Variants in ZFYVE28 observed in about 807,000 individuals in gnomAD.
ZFYVE28 encodes the protein lateral signaling target protein 2 homolog.
Under a neutral mutation model 82.1 loss-of-function variants are expected in ZFYVE28, and 40 were observed. That is an observed-to-expected ratio of 0.49 (90% CI 0.38 to 0.63). ZFYVE28 has a LOEUF of 0.63. Among genes scored for constraint, ZFYVE28 ranks in the 30% least tolerant of loss-of-function variants. The pLI is 0.00. For synonymous variants in ZFYVE28, 612 were observed against 546.1 expected (o/e 1.12, Z -1.68); for missense variants, 1,321 against 1,242.1 (o/e 1.06, Z -0.96).
chr4:2,294,897 C>T (rs528072274), intron 8 of ZFYVE28, among the ~76,000 whole-genome samples: 67 of 152,166 alleles, frequency 4.4e-4, no homozygotes, highest in Middle Eastern at 3.4e-3. Context: ...AGGAGGATTG[C>T]TTGAGCCCAG....
At chr4:2,412,308 G>A (rs998939151) in intron 1 of ZFYVE28, among the ~76,000 whole-genome samples, 3 of 152,164 alleles carry the variant, frequency 2.0e-5, no homozygotes, top group East Asian at 1.9e-4. Context: ...GTAGCTAAAC[G>A]TTGGTTCTGT....
At chr4:2,293,961 CTAAA>C (rs900186779) in intron 8 of ZFYVE28, among the ~76,000 whole-genome samples, 24 of 151,792 alleles carry the variant, frequency 1.6e-4, no homozygotes, top group Admixed American at 6.6e-4. Context: ...AATTAAAGGC[CTAAA>C]TAAATAAAGA....
At chr4:2,396,137 G>GGGAAGCCGCAAGGAGCCCCGGGT in intron 1 of ZFYVE28, among the ~76,000 whole-genome samples, 1 of 72,464 alleles carries the variant, frequency 1.4e-5, no homozygotes, top group Non-Finnish European at 3.2e-5. Flanking sequence ...CGGGGTGTCT[G>GGGAAGCCGCAAGGAGCCCCGGGT]AGCTGATGGG....
chr4:2,375,150 G>A (rs942029593), intron 1 of ZFYVE28, among the ~76,000 whole-genome samples: 1 of 152,204 alleles, frequency 6.6e-6, no homozygotes, highest in African/African-American at 2.4e-5. Flanking sequence ...TTCCCTCCCT[G>A]CTGCTGTGGC....
Position 2,274,140 on chromosome 4 carries a change from G to A in ZFYVE28, c.2128C>T (p.Gln710Ter), listed in dbSNP as rs1374410879. The A allele has an allele frequency of 1.2e-6, 2 of 1,613,556 alleles. No homozygotes were observed. Among genetic ancestry groups the A allele is most frequent in the South Asian group, 1.1e-5 (1 of 91,076 alleles). Residue 710 changes from glutamine to a stop codon, truncating the protein, a stop_gained, in exon 9 of 13, where the codon CAG becomes TAG. Coordinates refer to ENST00000290974, the MANE Select transcript of ZFYVE28 (RefSeq NM_020972.3). LOFTEE classifies it high-confidence loss of function. ...AAPAATHAAP[Q>*]ATREKIRSRF... ...GACCGGATCTTCTCTCTTGTGGCCT[G>A]TGGGGCAGCATGCGTGGCTGCTGGG...
In ZFYVE28 at chr4:2,305,527, C is replaced by G; in HGVS notation, c.813G>C (p.Leu271=). ...HTLLRKIRDL[L]QTLTEEELHT... ...GCAGCTCCTCCTCCGTCAGCGTCTGCAGCAAATCCCTACGAATCAAGACAA... is the reference window on the plus strand; with the variant it reads ...GCAGCTCCTCCTCCGTCAGCGTCTGGAGCAAATCCCTACGAATCAAGACAA... Residue 271 remains leucine, a synonymous_variant, in exon 8 of 13, where the codon CTG becomes CTC. Transcript: ENST00000290974. 1 of 1,612,984 alleles carries G rather than the reference C, an allele frequency of 6.2e-7. No individual in the cohort carries two copies. Among genetic ancestry groups the G allele is most frequent in the Non-Finnish European group, 8.5e-7 (1 of 1,180,004 alleles).
rs762079596 is a variant in ZFYVE28, at chr4:2,280,797, T to C, written c.2052-6581A>G. Among the ~76,000 whole-genome samples the C allele has an allele frequency of 1.3e-3, 197 of 152,154 alleles. 6 individuals carry two copies. The highest frequency in any genetic ancestry group is 4.7e-4 in the Non-Finnish European group (32 of 68,026). ...GTTTCCCTGTGAAAGGAGAAGCCCA[T>C]GGGAAGTATTCAGCCCCGCAGCTCC... is the stretch of plus-strand genomic sequence containing the variant. On this transcript the variant is annotated intron_variant, in intron 8 of 12. Coordinates refer to ENST00000290974, the MANE Select transcript of ZFYVE28 (RefSeq NM_020972.3).
rs1716207332 is a variant in ZFYVE28, at chr4:2,304,528, G to A, written c.1812C>T (p.Asp604=). The A allele has an allele frequency of 1.9e-6, 3 of 1,612,738 alleles. No individual in the cohort carries two copies. ...CCTCCTCCTGTCTCTCAGGGGCCCTGTCGCTGGCCTTGGCTAAGCCGGCAG... is the reference window on the plus strand; with the variant it reads ...CCTCCTCCTGTCTCTCAGGGGCCCTATCGCTGGCCTTGGCTAAGCCGGCAG... The part of the protein sequence containing the change: ...SYAAGLAKAS[D]RAPERQEEAP... The change falls in exon 8 of 13, where the codon GAC becomes GAT. Residue 604 remains aspartate (D), a synonymous_variant. Coordinates refer to ENST00000290974, the MANE Select transcript of ZFYVE28 (RefSeq NM_020972.3).
At chr4:2,308,829 CAT>C (rs1375397423) in intron 7 of ZFYVE28, among the ~76,000 whole-genome samples, 12 of 152,144 alleles carry the variant, frequency 7.9e-5, no homozygotes, top group African/African-American at 2.9e-4. Context: ...GCATTGAACT[CAT>C]AGATTAATTT....
chr4:2,402,248 G>GTGGGCGGGGCCCC, intron 1 of ZFYVE28, among the ~76,000 whole-genome samples: 1 of 152,292 alleles, frequency 6.6e-6, no homozygotes, highest in East Asian at 1.9e-4. Context: ...GCCCTGCTGG[G>GTGGGCGGGGCCCC]TGGGCGGGGC....
At position 2,332,363 on chromosome 4, in the gene ZFYVE28, CCT is replaced by C. The variant is rs1162091807; in HGVS notation, c.701+3340_701+3341del. Reference sequence around the variant, plus strand: ...TCCTTGCTCGAGCCCTGGACTTGCCCCTGAGCATACACCACCTGCACCAACGT... The same window carrying C: ...TCCTTGCTCGAGCCCTGGACTTGCCCGAGCATACACCACCTGCACCAACGT... On this transcript the variant is annotated intron_variant, in intron 6 of 12. Coordinates refer to ENST00000290974, the MANE Select transcript of ZFYVE28 (RefSeq NM_020972.3). The surrounding 1 kb of genome is among the most constrained non-coding windows in gnomAD (Gnocchi z 4.7). 2.6e-5 allele frequency among the ~76,000 whole-genome samples: 4 copies of C among 152,146 alleles called. No individual in the cohort carries two copies. The highest frequency in any genetic ancestry group is 4.4e-5 in the Non-Finnish European group (3 of 67,998).
At chr4:2,410,454 C>CTT (rs11358765) in intron 1 of ZFYVE28, among the ~76,000 whole-genome samples, 4 of 119,336 alleles carry the variant, frequency 3.4e-5, no homozygotes, top group South Asian at 5.6e-4. Flanking sequence ...TCCTCCCTTT[C>CTT]TTTTTTTTTT....
chr4:2,283,394 C>T (rs1712235159), intron 8 of ZFYVE28, among the ~76,000 whole-genome samples: 1 of 136,984 alleles, frequency 7.3e-6, no homozygotes, highest in South Asian at 2.7e-4. Context: ...CACCCATCCA[C>T]TCATGCACCC....
At chr4:2,399,554 C>T (rs568705603) in intron 1 of ZFYVE28, among the ~76,000 whole-genome samples, 2 of 152,350 alleles carry the variant, frequency 1.3e-5, no homozygotes, top group Admixed American at 1.3e-4. Context: ...AGCTCAAAGC[C>T]TGGCACATCA....
At chr4:2,395,432 C>A (rs1452795650) in intron 1 of ZFYVE28, among the ~76,000 whole-genome samples, 1 of 152,236 alleles carries the variant, frequency 6.6e-6, no homozygotes, top group African/African-American at 2.4e-5. Flanking sequence ...CCTTCATAAG[C>A]CCCAGGGGGA....
rs553934289 is a variant in ZFYVE28, at chr4:2,332,126, A to C, written c.701+3579T>G. ...GGGACTGGGGCTCTCGGGCAGCAGC[A>C]CAGTCACGGGCAGGAGCCACAGAGG... On this transcript the variant is annotated intron_variant, in intron 6 of 12. Coordinates refer to ENST00000290974, the MANE Select transcript of ZFYVE28 (RefSeq NM_020972.3). This position sits in a 1 kb window ranked among gnomAD's most constrained non-coding sequence, Gnocchi z 4.7. Among the ~76,000 whole-genome samples the C allele has an allele frequency of 3.0e-4, 45 of 152,248 alleles. 1 individual carries two copies. The highest frequency in any genetic ancestry group is 6.5e-4 in the Admixed American group (10 of 15,290).
intron 1 of ZFYVE28, among the ~76,000 whole-genome samples, chr4:2,384,495 C>A (rs2108917753): frequency 6.6e-6 from 1 of 152,236 alleles, no homozygotes; most frequent in African/African-American, 2.4e-5. Flanking sequence ...GTGACAAATG[C>A]AGTTTGGGAG....
chr4:2,303,313 G>C (rs1715900728), intron 8 of ZFYVE28, among the ~76,000 whole-genome samples: 2 of 152,088 alleles, frequency 1.3e-5, no homozygotes, highest in African/African-American at 4.8e-5. Flanking sequence ...CTTCCCCAGT[G>C]TGAGGACCCT....
At chr4:2,330,746 G>A in intron 6 of ZFYVE28, 1 of 1,492,742 alleles carries the variant, frequency 6.7e-7, no homozygotes, top group South Asian at 1.3e-5. Flanking sequence ...AGGGGACAGT[G>A]CGGGGGAGGG....
Sources: allele counts gnomAD v4.1 joint callset (sites outside exome capture counted in the v4.1 genomes callset), GRCh38; gene constraint gnomAD v4.1.1; non-coding constraint Gnocchi (gnomAD v3.1); transcripts MANE v1.5; gene names NCBI Gene and HGNC (gene_info 2026-07-23, HGNC 2026-07-21).